NAV3: variants seen among roughly 807,000 people sequenced by gnomAD.
NAV3 encodes neuron navigator 3, also known as pore membrane and/or filament interacting like protein 1.
A neutral mutation model predicts 244.7 loss-of-function variants in NAV3; 87 were observed. The ratio of observed to expected loss-of-function variants is 0.36; its 90% CI spans 0.30 to 0.42. The LOEUF (loss-of-function observed/expected upper bound fraction) is 0.42. Among genes scored for constraint, NAV3 ranks in the 20% least tolerant of loss-of-function variants. The pLI is 1.00. For missense variants in NAV3, 2,663 were observed against 2,893.3 expected (o/e 0.92, Z 1.83); for synonymous variants, 1,126 against 1,042.2 (o/e 1.08, Z -1.55).
At chr12:77,742,785 G>T (rs2137403485) in intron 2 of NAV3, among the ~76,000 whole-genome samples, 1 of 152,028 alleles carries the variant, frequency 6.6e-6, no homozygotes, top group South Asian at 2.1e-4. Flanking sequence ...ACCTTCTGTT[G>T]CTATTGGGAT....
intron 18 of NAV3, among the ~76,000 whole-genome samples, chr12:78,133,667 G>A (rs1331408747): frequency 6.6e-6 from 1 of 152,008 alleles, no homozygotes; most frequent in East Asian, 1.9e-4. Flanking sequence ...GTAGACTACT[G>A]TGAGCTACTG....
In NAV3 at chr12:78,119,344, A is replaced by G. The variant is rs745747468; in HGVS notation, c.3148A>G (p.Lys1050Glu). 9.9e-6 allele frequency: 16 copies of G among 1,614,072 alleles called. No homozygotes were observed. The highest frequency in any genetic ancestry group is 2.7e-5 in the African/African-American group (2 of 74,934). The change falls in exon 15 of 40, where the codon AAA becomes GAA. Residue 1050 changes from lysine (K) to glutamate (E), a missense_variant. Physicochemically the swap from Lys to Glu is moderately conservative, Grantham distance 56 (BLOSUM62 1). Transcript: ENST00000397909. ...DAGKSSGDEG[K>E]KPPSGIGRST... The stretch of plus-strand genomic sequence containing the variant: ...AGGAAAAAGCAGTGGAGATGAAGGG[A>G]AAAAGCCCCCCTCAGGCATTGGAAG...
intron 1 of NAV3, among the ~76,000 whole-genome samples, chr12:77,896,618 A>C (rs1884660527): frequency 6.6e-6 from 1 of 152,216 alleles, no homozygotes; most frequent in Non-Finnish European, 1.5e-5. Flanking sequence ...AAATGAACAT[A>C]ACAATTGCAT....
chr12:77,759,884 C>T (rs960139199), intron 2 of NAV3, among the ~76,000 whole-genome samples: 2 of 152,126 alleles, frequency 1.3e-5, no homozygotes, highest in African/African-American at 2.4e-5. Context: ...AGATCTGTAT[C>T]ATAACTTTGG....
At chr12:77,631,569 C>G (rs1871900268) in intron 2 of NAV3, among the ~76,000 whole-genome samples, 1 of 151,798 alleles carries the variant, frequency 6.6e-6, no homozygotes, top group Admixed American at 6.6e-5. Context: ...AGTCAGAGAT[C>G]CAAGTTCAAA....
At chr12:77,875,462 T>C (rs1262629890) in intron 1 of NAV3, among the ~76,000 whole-genome samples, 1 of 152,128 alleles carries the variant, frequency 6.6e-6, no homozygotes, top group Non-Finnish European at 1.5e-5. Context: ...AATTTATCAA[T>C]TAGAATATTA....
At chr12:77,955,541 T>C (rs1891285833) in intron 3 of NAV3, among the ~76,000 whole-genome samples, 1 of 152,132 alleles carries the variant, frequency 6.6e-6, no homozygotes, top group African/African-American at 2.4e-5. Context: ...CTAATAACTT[T>C]CTCCTTTCCT....
chr12:77,904,528 G>A (rs1013218107), intron 1 of NAV3, among the ~76,000 whole-genome samples: 2 of 152,144 alleles, frequency 1.3e-5, no homozygotes, highest in Non-Finnish European at 1.5e-5. Flanking sequence ...AACATTAGGA[G>A]ATATACCTAA....
intron 9 of NAV3, among the ~76,000 whole-genome samples, chr12:78,043,618 G>A (rs183104542): frequency 6.6e-5 from 10 of 152,020 alleles, no homozygotes; most frequent in African/African-American, 1.7e-4. Context: ...TTTAATGATC[G>A]CCATTCTAAC....
chr12:78,185,731 A>G (rs542853679), intron 31 of NAV3, 33 bp downstream of exon 31: 2 of 1,544,882 alleles, frequency 1.3e-6, no homozygotes, highest in Admixed American at 1.7e-5. Flanking sequence ...TTTATTACTA[A>G]CAATGAGAAT....
Position 77,860,766 on chromosome 12 carries a change from AG to A in NAV3, c.243+29065del, listed in dbSNP as rs559170311. On this transcript the variant is annotated intron_variant, in intron 1 of 39. Transcript: ENST00000397909. ...TGCATGATTTTAAAGCCAAATGGGC[AG>A]GGTTGCTGGCAGTTTCTCATATGAT... is the stretch of plus-strand genomic sequence containing the variant. 1.9e-3 allele frequency among the ~76,000 whole-genome samples: 285 copies of A among 152,040 alleles called. 1 individual carries two copies. Among genetic ancestry groups the A allele is most frequent in the Non-Finnish European group, 3.2e-3 (220 of 67,846 alleles).
intron 1 of NAV3, among the ~76,000 whole-genome samples, chr12:77,843,285 C>A (rs908409321): frequency 6.6e-6 from 1 of 152,000 alleles, no homozygotes; most frequent in African/African-American, 2.4e-5. Flanking sequence ...TCCAGCTAGA[C>A]CTATTGTATT....
At chr12:77,963,400 A>T (rs1413956547) in intron 3 of NAV3, among the ~76,000 whole-genome samples, 1 of 152,178 alleles carries the variant, frequency 6.6e-6, no homozygotes, top group African/African-American at 2.4e-5. Flanking sequence ...AGATATCTTA[A>T]AACCACTTCT....
intron 2 of NAV3, among the ~76,000 whole-genome samples, chr12:77,643,177 C>A (rs1045684200): frequency 6.6e-6 from 1 of 151,910 alleles, no homozygotes; most frequent in Non-Finnish European, 1.5e-5. Context: ...GTTCTGTATA[C>A]AGAATTGTTT....
intron 2 of NAV3, among the ~76,000 whole-genome samples, chr12:77,750,108 C>T (rs931110775): frequency 6.6e-6 from 1 of 152,174 alleles, no homozygotes; most frequent in Non-Finnish European, 1.5e-5. Flanking sequence ...AATCCCAGCA[C>T]TTTGGGAGGC....
At chr12:78,143,819 T>C (rs942520697) in intron 20 of NAV3, among the ~76,000 whole-genome samples, 5 of 152,152 alleles carry the variant, frequency 3.3e-5, no homozygotes, top group Non-Finnish European at 2.9e-5. Context: ...GGGTTTTCAG[T>C]CACCTGTAAT....
At chr12:78,097,196 G>C (rs1213728419) in intron 12 of NAV3, among the ~76,000 whole-genome samples, 1 of 152,102 alleles carries the variant, frequency 6.6e-6, no homozygotes, top group Non-Finnish European at 1.5e-5. Flanking sequence ...AAGACATCTG[G>C]TCAGGCAAGG....
At chr12:77,572,644 T>C (rs696437) in intron 2 of NAV3, among the ~76,000 whole-genome samples, 83,484 of 151,886 alleles carry the variant, frequency 0.55, 23,279 homozygotes, top group Middle Eastern at 0.75. Flanking sequence ...ACCTGCCTTA[T>C]TGCCATTAGA....
At chr12:78,165,022 G>A (rs576504616) in intron 23 of NAV3, among the ~76,000 whole-genome samples, 2 of 152,134 alleles carry the variant, frequency 1.3e-5, no homozygotes, top group Non-Finnish European at 2.9e-5. Context: ...TTATTTGGAA[G>A]CATTTCAAGC....
Sources: allele counts gnomAD v4.1 joint callset (sites outside exome capture counted in the v4.1 genomes callset), GRCh38; gene constraint gnomAD v4.1.1; transcripts MANE v1.5; gene names NCBI Gene and HGNC (gene_info 2026-07-23, HGNC 2026-07-21).